Variants in CRYBG3 observed in about 807,000 individuals in gnomAD.
The protein encoded by CRYBG3 is very large A-kinase anchor protein.
Under a neutral mutation model 244.2 loss-of-function variants are expected in CRYBG3, and 127 were observed. That is an observed-to-expected ratio of 0.52 (90% confidence interval 0.45 to 0.60). The LOEUF (loss-of-function observed/expected upper bound fraction) is 0.60, where lower values mean the gene tolerates loss of function less well. CRYBG3 is among the 20% of genes least tolerant of loss of function. The pLI is 0.00. For missense variants in CRYBG3, 3,325 were observed against 3,442.5 expected (o/e 0.97, Z 0.85); for synonymous variants, 1,132 against 1,195.8 (o/e 0.95, Z 1.10).
chr3:97,937,677 C>G (rs1411252200), intron 19 of CRYBG3, among the ~76,000 whole-genome samples: 1 of 152,052 alleles, frequency 6.6e-6, no homozygotes, highest in African/African-American at 2.4e-5. Context: ...CTCTCCCACT[C>G]TATAGAAAAC....
In CRYBG3 at chr3:97,881,313, A is replaced by G. The variant is rs2108224254; in HGVS notation, c.7152+94A>G. 1.1e-5 allele frequency: 9 copies of G among 799,720 alleles called. No individual in the cohort carries two copies. In the South Asian group the frequency reaches 1.5e-4, roughly 14 times the overall value. 49.5% of individuals were successfully genotyped at this position (799,720 alleles called of 1,614,324 possible). ...CTGGCGATGTTTACAAATCATTGCT[A>G]ATTTTTGTGCTGTTATTAATCTTCA... On this transcript the variant is annotated intron_variant, in intron 7 of 21. Coordinates refer to ENST00000389622, the MANE Select transcript of CRYBG3 (RefSeq NM_153605.4).
rs2040286019 is a variant in CRYBG3, at chr3:97,943,684, A to G, written c.*370A>G. On this transcript the variant is annotated 3_prime_UTR_variant, in exon 22 of 22. Coordinates refer to ENST00000389622, the MANE Select transcript of CRYBG3 (RefSeq NM_153605.4). ...TGCTATTATCCTGTATTATTTATTAATATCCTACCTAGATGCTTGTATGAG... is the reference window on the plus strand; with the variant it reads ...TGCTATTATCCTGTATTATTTATTAGTATCCTACCTAGATGCTTGTATGAG... 2 of 200,566 alleles carry G rather than the reference A, an allele frequency of 1.0e-5. No homozygotes were observed. Among genetic ancestry groups the G allele is most frequent in the African/African-American group, 2.4e-5 (1 of 41,952 alleles). The allele number at this position is 200,566 out of a possible 1,614,324, so 12.4% of individuals were successfully genotyped here. A position where few individuals can be genotyped will look rare whatever the true frequency, so the allele number is the denominator to read the frequency against.
At chr3:97,832,682 C>A (rs1260981571) in intron 1 of CRYBG3, among the ~76,000 whole-genome samples, 1 of 152,048 alleles carries the variant, frequency 6.6e-6, no homozygotes, top group Non-Finnish European at 1.5e-5. Context: ...GACTAAAACA[C>A]CAAAAGCAAT....
intron 17 of CRYBG3, among the ~76,000 whole-genome samples, chr3:97,932,942 T>C (rs576670243): frequency 5.9e-5 from 9 of 152,186 alleles, no homozygotes; most frequent in African/African-American, 1.7e-4. Flanking sequence ...AATCTAGCTT[T>C]CTACTGAGGA....
intron 4 of CRYBG3, among the ~76,000 whole-genome samples, chr3:97,879,096 C>A (rs1025067701): frequency 1.3e-5 from 2 of 152,140 alleles, no homozygotes; most frequent in African/African-American, 4.8e-5. Flanking sequence ...AGAAATATTT[C>A]TTTCATGGTT....
At chr3:97,923,787 A>T (rs1412939563) in intron 17 of CRYBG3, among the ~76,000 whole-genome samples, 1 of 152,100 alleles carries the variant, frequency 6.6e-6, no homozygotes, top group African/African-American at 2.4e-5. Flanking sequence ...TAGGAATTTT[A>T]TAAAAACTCT....
At chr3:97,851,970 A>G (rs934805560) in intron 2 of CRYBG3, among the ~76,000 whole-genome samples, 2 of 152,184 alleles carry the variant, frequency 1.3e-5, no homozygotes, top group Non-Finnish European at 2.9e-5. Flanking sequence ...TCTGACTTTA[A>G]CAAGTGGGAA....
rs142470903 is a variant in CRYBG3 at position 97,872,414 on chromosome 3, C to T, written c.1220C>T (p.Thr407Met). The change falls in exon 4 of 22, where the codon ACG becomes ATG. Residue 407 changes from threonine to methionine, a missense_variant. By Grantham distance (81) the Thr-to-Met change is moderately conservative. Coordinates refer to ENST00000389622, the MANE Select transcript of CRYBG3 (RefSeq NM_153605.4). The part of the protein sequence containing the change: ...DFQRVTTTEN[T>M]IKENSTVMSN... The stretch of plus-strand genomic sequence containing the variant: ...CAGAGAGTAACTACAACAGAAAATA[C>T]GATAAAAGAAAACAGCACTGTGATG... 2.9e-4 allele frequency: 439 copies of T among 1,535,592 alleles called. 4 individuals carry two copies. The East Asian group carries it at 8.6e-3, about 30-fold the overall frequency.
intron 9 of CRYBG3, among the ~76,000 whole-genome samples, chr3:97,888,857 C>T (rs1462355111): frequency 2.0e-5 from 3 of 152,076 alleles, no homozygotes; most frequent in South Asian, 2.1e-4. Flanking sequence ...AAAGACAGTG[C>T]ATGTGAGAAA....
intron 1 of CRYBG3, among the ~76,000 whole-genome samples, chr3:97,827,223 A>G (rs1256793328): frequency 6.6e-6 from 1 of 152,158 alleles, no homozygotes; most frequent in Non-Finnish European, 1.5e-5. Context: ...GCTAGACCCA[A>G]GGTCAGGGGC....
chr3:97,835,606 G>T (rs937114021), intron 1 of CRYBG3, among the ~76,000 whole-genome samples: 1 of 152,088 alleles, frequency 6.6e-6, no homozygotes, highest in Non-Finnish European at 1.5e-5. Context: ...CTTTTGGAAA[G>T]TATCACTGGG....
intron 1 of CRYBG3, among the ~76,000 whole-genome samples, chr3:97,828,850 A>G (rs2038614142): frequency 6.6e-6 from 1 of 151,040 alleles, no homozygotes; most frequent in African/African-American, 2.4e-5. Flanking sequence ...AAAAAATAAC[A>G]AAAACAAACA....
intron 17 of CRYBG3, 122 bp downstream of exon 17, chr3:97,915,858 T>C: frequency 1.3e-6 from 1 of 788,200 alleles, no homozygotes; most frequent in South Asian, 2.7e-5. Flanking sequence ...CTGAAAAATA[T>C]GAATAATTCA....
chr3:97,912,204 G>C lies in CRYBG3; in HGVS notation c.8042G>C (p.Cys2681Ser). The C allele has an allele frequency of 6.2e-7, 1 of 1,606,776 alleles. No homozygotes were observed. The highest frequency in any genetic ancestry group is 8.5e-7 in the Non-Finnish European group (1 of 1,176,512). ...AGCAAACCAGGGTTCCAAGGTGAAT[G>C]TATAGATTTTACAGAAGAAACTTCT... ...AFSKPGFQGECIDFTEETSDL... is the reference protein window; with the variant it reads ...AFSKPGFQGESIDFTEETSDL... The change falls in exon 16 of 22, where the codon TGT becomes TCT. Residue 2681 changes from cysteine to serine, a missense_variant. By Grantham distance (112) the Cys-to-Ser change is moderately radical (BLOSUM62 -1). This residue lies in a region of CRYBG3 where 714 missense variants were observed against 803.6 expected (regional missense o/e 0.89). Transcript: ENST00000389622.
chr3:97,940,342 C>T (rs2040213316), intron 19 of CRYBG3, among the ~76,000 whole-genome samples: 1 of 152,038 alleles, frequency 6.6e-6, no homozygotes. Flanking sequence ...GGCTTCTTTA[C>T]ATCTGTGTTC....
intron 16 of CRYBG3, among the ~76,000 whole-genome samples, chr3:97,912,996 T>C (rs2039889311): frequency 6.6e-6 from 1 of 152,178 alleles, no homozygotes; most frequent in Non-Finnish European, 1.5e-5. Flanking sequence ...TCTTTTCTTT[T>C]AAAATATCTT....
intron 11 of CRYBG3, among the ~76,000 whole-genome samples, chr3:97,894,143 A>T (rs746267497): frequency 1.3e-5 from 2 of 152,146 alleles, no homozygotes; most frequent in Non-Finnish European, 2.9e-5. Context: ...CTGCTGTAAA[A>T]TATTTTTGCC....
chr3:97,858,002 A>G (rs1178895943), intron 2 of CRYBG3, among the ~76,000 whole-genome samples: 2 of 151,804 alleles, frequency 1.3e-5, no homozygotes, highest in Non-Finnish European at 2.9e-5. Flanking sequence ...TTGTAGTTTT[A>G]TGATAGTAGA....
chr3:97,866,363 C>G (rs551894132), intron 3 of CRYBG3, among the ~76,000 whole-genome samples: 2 of 152,122 alleles, frequency 1.3e-5, no homozygotes, highest in Non-Finnish European at 2.9e-5. Context: ...AACCAGTGTC[C>G]GACAGCAGAA....
Sources: allele counts gnomAD v4.1 joint callset (sites outside exome capture counted in the v4.1 genomes callset), GRCh38; gene constraint gnomAD v4.1.1; regional missense constraint gnomAD v4.1.1; transcripts MANE v1.5; gene names NCBI Gene and HGNC (gene_info 2026-07-23, HGNC 2026-07-21).